SARS2: variants seen among roughly 807,000 people sequenced by gnomAD.
SARS2 encodes serine--tRNA ligase, mitochondrial.
In SARS2, 52 loss-of-function variants were observed where a neutral mutation model predicts 66.8. That is an observed-to-expected ratio of 0.78 (90% CI 0.62 to 0.98). The LOEUF (loss-of-function observed/expected upper bound fraction) is 0.98, where lower values mean the gene tolerates loss of function less well. SARS2 is among the 50% of genes least tolerant of loss of function. The pLI, the probability that SARS2 is intolerant of heterozygous loss-of-function variation, is 0.00. For missense variants in SARS2, 673 were observed against 706.3 expected, an observed-to-expected ratio of 0.95 and a Z score of 0.53; for synonymous variants, 306 against 281.4, an observed-to-expected ratio of 1.09 and a Z score of -0.87.
chr19:38,921,054 GAC>G (rs1359156471), intron 5 of SARS2, among the ~76,000 whole-genome samples: 24 of 123,360 alleles, frequency 1.9e-4, no homozygotes, highest in South Asian at 5.2e-4. Context: ...CACAGATACA[GAC>G]ACACACATAC....
intron 13 of SARS2, 44 bp from the exon 14 acceptor site, chr19:38,916,173 G>A (rs764209208): frequency 1.1e-5 from 18 of 1,612,270 alleles, no homozygotes; most frequent in Middle Eastern, 3.3e-4. Context: ...GGGATGGGGG[G>A]CAGGCCTGTC....
chr19:38,919,682 T>C, intron 7 of SARS2, 80 bp downstream of exon 7: 1 of 1,038,678 alleles, frequency 9.6e-7, no homozygotes, highest in East Asian at 2.4e-5. Context: ...AGAGCAGAGA[T>C]CACTCCCATC....
At chr19:38,927,159 A>C (rs1974641982) in intron 1 of SARS2, among the ~76,000 whole-genome samples, 1 of 151,880 alleles carries the variant, frequency 6.6e-6, no homozygotes, top group Admixed American at 6.6e-5. Context: ...GCTGGTCTGG[A>C]ATTCCCGGCC....
chr19:38,923,861 C>T (rs1468915719), intron 2 of SARS2, among the ~76,000 whole-genome samples: 1 of 152,112 alleles, frequency 6.6e-6, no homozygotes, highest in African/African-American at 2.4e-5. Context: ...GTAGTCCCAG[C>T]TACTCGGGAG....
intron 1 of SARS2, 74 bp downstream of exon 1, chr19:38,930,396 G>A (rs1486048002): frequency 2.0e-6 from 3 of 1,510,238 alleles, no homozygotes; most frequent in Non-Finnish European, 1.8e-6. Context: ...GCCCCCTGCC[G>A]GAGGGCATCT....
chr19:38,918,677 G>A, intron 8 of SARS2, 89 bp downstream of exon 8: 2 of 1,482,902 alleles, frequency 1.3e-6, no homozygotes, highest in South Asian at 1.2e-5. Flanking sequence ...CCCAGCCCCA[G>A]GGCGGTCTCC....
chr19:38,917,836 G>C lies in SARS2; in HGVS notation c.1051-3C>G, dbSNP rs1974444725. ...CCTGTCACCCCAAACATCTCCACCTGGGACAGAGGGCACAGGAGTCAGGAG... is the reference window on the plus strand; with the variant it reads ...CCTGTCACCCCAAACATCTCCACCTCGGACAGAGGGCACAGGAGTCAGGAG... On this transcript the variant is annotated splice_polypyrimidine_tract_variant and splice_region_variant and intron_variant, in intron 11 of 15. Coordinates refer to ENST00000221431, the MANE Select transcript of SARS2 (RefSeq NM_017827.4). The C allele has an allele frequency of 1.2e-6, 2 of 1,613,802 alleles. No homozygotes were observed. Among genetic ancestry groups the C allele is most frequent in the African/African-American group, 2.7e-5 (2 of 74,934 alleles).
chr19:38,920,459 A>G (rs1974500494), intron 5 of SARS2, among the ~76,000 whole-genome samples: 1 of 152,002 alleles, frequency 6.6e-6, no homozygotes, highest in South Asian at 2.1e-4. Flanking sequence ...AAACACCACG[A>G]GGAAGGGAGG....
chr19:38,918,120 G>A lies in SARS2; in HGVS notation c.936C>T (p.Thr312=), dbSNP rs762170958. Residue 312 remains threonine (T), a synonymous_variant, in exon 10 of 16, where the codon ACC becomes ACT. Coordinates refer to ENST00000221431, the MANE Select transcript of SARS2 (RefSeq NM_017827.4). Reference sequence around the variant, plus strand: ...TGACTGGCAGGTCCCTGAAGGCCACGGTGTGGTCCATGAAGTAGCCTGGGA... The same window carrying A: ...TGACTGGCAGGTCCCTGAAGGCCACAGTGTGGTCCATGAAGTAGCCTGGGA... The part of the protein sequence containing the change: ...VGLAGYFMDH[T]VAFRDLPVRM... The A allele has an allele frequency of 8.1e-6, 13 of 1,600,260 alleles. No homozygotes were observed. Among genetic ancestry groups the A allele is most frequent in the Non-Finnish European group, 1.1e-5 (13 of 1,173,926 alleles).
At chr19:38,928,411 C>T (rs1414737035) in intron 1 of SARS2, 1 of 87,954 alleles carries the variant, frequency 1.1e-5, no homozygotes, top group African/African-American at 5.1e-5. Context: ...AAAACACACC[C>T]CTGGCCCCCC....
chr19:38,920,754 GATACAGAC>G (rs1215689187), intron 5 of SARS2, among the ~76,000 whole-genome samples: 1 of 149,856 alleles, frequency 6.7e-6, no homozygotes, highest in Non-Finnish European at 1.5e-5. Flanking sequence ...CACAGACACA[GATACAGAC>G]ATACACACAG....
In SARS2 at chr19:38,918,537, G is replaced by T; in HGVS notation, c.808-7C>A. On this transcript the variant is annotated splice_region_variant and splice_polypyrimidine_tract_variant and intron_variant, in intron 8 of 15. Coordinates refer to ENST00000221431, the MANE Select transcript of SARS2 (RefSeq NM_017827.4). ...GTGTCATCCCACAGCCTTCCTGGGG[G>T]AGGAGGCCAGGCCACAGGGATCAGG... 6.2e-7 allele frequency: 1 copy of T among 1,605,424 alleles called. No individual in the cohort carries two copies. The highest frequency in any genetic ancestry group is 8.5e-7 in the Non-Finnish European group (1 of 1,172,086).
chr19:38,916,661 T>G (rs967936645), intron 12 of SARS2, among the ~76,000 whole-genome samples: 1 of 98,950 alleles, frequency 1.0e-5, no homozygotes, highest in Non-Finnish European at 1.9e-5. Context: ...CTAGGCACCC[T>G]CGGTTTTTTT....
In SARS2 at chr19:38,926,226, A is replaced by T. The variant is rs775160214; in HGVS notation, c.342T>A (p.Thr114=). The T allele has an allele frequency of 4.5e-5, 72 of 1,606,526 alleles. No homozygotes were observed. Among genetic ancestry groups the T allele is most frequent in the Non-Finnish European group, 5.8e-5 (68 of 1,179,962 alleles). Residue 114 remains threonine (T), a synonymous_variant, in exon 2 of 16, where the codon ACT becomes ACA. Transcript: ENST00000221431. The part of the protein sequence containing the change: ...RSLEEEKAAV[T]EAVRALLANQ... ...TCACCAGCAGGGCCCGCACTGCCTC[A>T]GTCACAGCTGCCTTCTCTTCCTCCA...
chr19:38,921,723 G>C, intron 3 of SARS2, 56 bp from the exon 4 acceptor site: 1 of 1,604,884 alleles, frequency 6.2e-7, no homozygotes, highest in Non-Finnish European at 8.5e-7. Context: ...CCCTCATCCA[G>C]TGTGACCTTG....
Position 38,915,621 on chromosome 19 carries a change from CTG to C in SARS2, c.1540_1541del (p.Gln514AlafsTer33). The C allele has an allele frequency of 6.2e-7, 1 of 1,612,598 alleles. No individual in the cohort carries two copies. ...GGGTGGGTTCTTAGCTTACAGCAGG[CTG>C]GCCAGGCAGCCCAGGCTTCCGGGGC... ...NQPRKPGLPGQPAVS is the reference protein window; with the variant it reads ...NQPRKPGLPGXPAVS On this transcript the variant is annotated frameshift_variant, in exon 16 of 16. Coordinates refer to ENST00000221431, the MANE Select transcript of SARS2 (RefSeq NM_017827.4). LOFTEE classifies it high-confidence loss of function.
In SARS2 at chr19:38,930,635, GA is replaced by G. The variant is rs916468175; in HGVS notation, c.101del (p.Phe34SerfsTer27). On this transcript the variant is annotated frameshift_variant, in exon 1 of 16. Coordinates refer to ENST00000221431, the MANE Select transcript of SARS2 (RefSeq NM_017827.4). LOFTEE classifies it high-confidence loss of function. ...GGTTCCGGTTTCGTTTCTCTGTAGT[GA>G]AACTTCTCCTTGGACTATCGTTGGA... ...CISNDSPRRSFTTEKRNRNLL... is the reference protein window; with the variant it reads ...CISNDSPRRSXTTEKRNRNLL... 6.2e-7 allele frequency: 1 copy of G among 1,614,022 alleles called. No individual in the cohort carries two copies. Among genetic ancestry groups the G allele is most frequent in the Non-Finnish European group, 8.5e-7 (1 of 1,180,022 alleles).
intron 1 of SARS2, chr19:38,930,179 G>A (rs879815996): frequency 2.4e-6 from 1 of 415,950 alleles, no homozygotes; most frequent in Non-Finnish European, 4.4e-6. Flanking sequence ...GCAGCACGGA[G>A]GGCAATGTCA....
chr19:38,930,145 T>G, intron 1 of SARS2: 1 of 324,594 alleles, frequency 3.1e-6, no homozygotes, highest in Non-Finnish European at 5.8e-6. Flanking sequence ...CTTTGTGGTC[T>G]TAGGGAAAGG....
Sources: gnomAD v4.1 joint callset for allele counts (sites outside exome capture counted in the v4.1 genomes callset) on GRCh38, gnomAD v4.1.1 for gene constraint, MANE v1.5 for transcripts, NCBI Gene and HGNC (gene_info 2026-07-23, HGNC 2026-07-21) for gene names.